The following HABP2 variants were observed in gnomAD, a reference collection of about 807,000 sequenced individuals.
HABP2 encodes hyaluronan binding protein 2.
A neutral mutation model predicts 66.5 loss-of-function variants in HABP2; 65 were observed. The observed-to-expected ratio is 0.98, with a 90% CI of 0.80 to 1.20. The LOEUF is 1.20. HABP2 is among the 50% of genes most tolerant of loss of function. The pLI, the probability that HABP2 is intolerant of heterozygous loss-of-function variation, is 0.00. For missense variants in HABP2, 786 were observed against 691.0 expected (o/e 1.14, Z -1.54); for synonymous variants, 263 against 253.9 (o/e 1.04, Z -0.34).
Position 113,587,342 on chromosome 10 carries a change from A to C in HABP2, c.1519-863A>C, listed in dbSNP as rs1027771680. Among the ~76,000 whole-genome samples the C allele has an allele frequency of 8.6e-5, 13 of 151,428 alleles. 1 individual carries two copies. Among genetic ancestry groups the C allele is most frequent in the South Asian group, 2.1e-4 (1 of 4,784 alleles). ...AAAAAAACAAAAACAAACAAACAAA[A>C]AAAAACCTCATTCAATTCCCTAGAT... On this transcript the variant is annotated intron_variant, in intron 12 of 12. Transcript: ENST00000351270.
rs1340157670 is a variant in HABP2, at chr10:113,578,696, A to T, written c.638A>T (p.His213Leu). 3.7e-6 allele frequency: 6 copies of T among 1,609,918 alleles called. No individual in the cohort carries two copies. In the South Asian group the frequency reaches 6.6e-5, roughly 18 times the overall value. ...AAAATGAATAGGACAGTCAACCAGCATGCGTGCCTTTACTGGAACTCCCAC... is the reference window on the plus strand; with the variant it reads ...AAAATGAATAGGACAGTCAACCAGCTTGCGTGCCTTTACTGGAACTCCCAC... ...RGKMNRTVNQ[H>L]ACLYWNSHLL... is the part of the protein sequence containing the mutation. Residue 213 changes from histidine to leucine, a missense_variant, in exon 7 of 13, where the codon CAT becomes CTT. Transcript: ENST00000351270.
chr10:113,582,446 G>C (rs1445395536), intron 9 of HABP2, among the ~76,000 whole-genome samples: 1 of 152,178 alleles, frequency 6.6e-6, no homozygotes, highest in Non-Finnish European at 1.5e-5. Context: ...TTTGTACATA[G>C]CAAGTGCTGA....
upstream of HABP2, among the ~76,000 whole-genome samples, chr10:113,551,353 G>A (rs973530153): frequency 2.0e-5 from 3 of 152,212 alleles, no homozygotes; most frequent in African/African-American, 7.2e-5. Context: ...CAGGGCTTCT[G>A]AGGAAGTAAT....
chr10:113,555,213 C>G (rs1339843344), intron 1 of HABP2, among the ~76,000 whole-genome samples: 2 of 152,230 alleles, frequency 1.3e-5, no homozygotes, highest in African/African-American at 2.4e-5. Flanking sequence ...GTAATTCCTA[C>G]TATGCTCCCA....
At chr10:113,576,047 C>T (rs201248580) in intron 4 of HABP2, 43 bp downstream of exon 4, 22 of 1,030,154 alleles carry the variant, frequency 2.1e-5, no homozygotes, top group Non-Finnish European at 1.5e-6. Flanking sequence ...CTGAGTTAAA[C>T]AAGAGGCAGT....
chr10:113,550,906 C>G (rs2133731010), upstream of HABP2: 1 of 152,542 alleles, frequency 6.6e-6, no homozygotes, highest in South Asian at 2.1e-4. Context: ...TCAACCAGTT[C>G]ACATCTGCCT....
intron 2 of HABP2, among the ~76,000 whole-genome samples, chr10:113,569,493 CCCGTGG>C (rs1845263324): frequency 6.6e-6 from 1 of 152,246 alleles, no homozygotes. Context: ...CGTGCTCGTG[CCCGTGG>C]GCAAGTTGCT....
upstream of HABP2, chr10:113,552,993 C>T (rs1246163541): frequency 5.8e-6 from 4 of 685,762 alleles, no homozygotes; most frequent in Non-Finnish European, 7.8e-6. Flanking sequence ...GTATTTGATG[C>T]CTAGTTAATA....
At chr10:113,584,763 T>A (rs1035135671) in intron 11 of HABP2, among the ~76,000 whole-genome samples, 1 of 152,126 alleles carries the variant, frequency 6.6e-6, no homozygotes, top group Non-Finnish European at 1.5e-5. Flanking sequence ...AAGATGGGGG[T>A]CAGGTCCCAT....
At chr10:113,567,270 A>G (rs1845215122) in intron 1 of HABP2, among the ~76,000 whole-genome samples, 3 of 152,122 alleles carry the variant, frequency 2.0e-5, no homozygotes. Context: ...GGAGAAGGAC[A>G]ATGCTTCAGT....
rs528428055 is a variant in HABP2, at chr10:113,557,016, C to T, written c.69+3826C>T. 2.0e-5 allele frequency among the ~76,000 whole-genome samples: 3 copies of T among 152,202 alleles called. No individual in the cohort carries two copies. In the South Asian group the frequency reaches 6.2e-4, roughly 32 times the overall value. ...CCTGGTTCTGCCTTACTGCACTTCT[C>T]TGGTTATTGCTCAGAAATGCTGTGG... On this transcript the variant is annotated intron_variant, in intron 1 of 12. Coordinates refer to ENST00000351270, the MANE Select transcript of HABP2 (RefSeq NM_004132.5).
Position 113,589,541 on chromosome 10 carries a change from C to T in HABP2, c.*1172C>T. On this transcript the variant is annotated 3_prime_UTR_variant, in exon 13 of 13. Transcript: ENST00000351270. ...CATGAAATTAGGCGCCTTGTTTGAG[C>T]TGCGTTTCACACTTCTTTAGAGCTA... 5 of 1,181,670 alleles carry T rather than the reference C, an allele frequency of 4.2e-6. No individual in the cohort carries two copies. Among genetic ancestry groups the T allele is most frequent in the East Asian group, 2.4e-5 (1 of 42,540 alleles). 73.2% of individuals were successfully genotyped at this position (1,181,670 alleles called of 1,614,324 possible).
At chr10:113,565,037 G>A (rs1845173851) in intron 1 of HABP2, among the ~76,000 whole-genome samples, 1 of 152,102 alleles carries the variant, frequency 6.6e-6, no homozygotes, top group South Asian at 2.1e-4. Context: ...TAGTGGAGAC[G>A]GGGTTTCACT....
At chr10:113,551,393 A>C (rs1844894871), upstream of HABP2, among the ~76,000 whole-genome samples, 1 of 152,258 alleles carries the variant, frequency 6.6e-6, no homozygotes, top group Non-Finnish European at 1.5e-5. Flanking sequence ...AGATGCATTA[A>C]CTAGGAGAGT....
chr10:113,589,518 T>G lies in HABP2; in HGVS notation c.*1149T>G. On this transcript the variant is annotated 3_prime_UTR_variant, in exon 13 of 13. Coordinates refer to ENST00000351270, the MANE Select transcript of HABP2 (RefSeq NM_004132.5). Reference sequence around the variant, plus strand: ...CATCTGCCTGGTCATCTCAGACCCATGAAATTAGGCGCCTTGTTTGAGCTG... The same window carrying G: ...CATCTGCCTGGTCATCTCAGACCCAGGAAATTAGGCGCCTTGTTTGAGCTG... 5.5e-6 allele frequency: 5 copies of G among 909,592 alleles called. No individual in the cohort carries two copies. Among genetic ancestry groups the G allele is most frequent in the Non-Finnish European group, 8.3e-6 (5 of 604,656 alleles). The allele number at this position is 909,592 out of a possible 1,614,324, so 56.3% of individuals were successfully genotyped here.
chr10:113,579,341 T>C (rs1352953004), intron 7 of HABP2, among the ~76,000 whole-genome samples: 1 of 152,134 alleles, frequency 6.6e-6, no homozygotes, highest in African/African-American at 2.4e-5. Flanking sequence ...GGGATTCAGC[T>C]CCACAGGCTT....
intron 7 of HABP2, among the ~76,000 whole-genome samples, chr10:113,580,295 G>A (rs1191340843): frequency 6.6e-6 from 1 of 152,172 alleles, no homozygotes; most frequent in Non-Finnish European, 1.5e-5. Context: ...ATATAGAAAG[G>A]TCTTCATCAG....
At chr10:113,575,842 G>A in intron 3 of HABP2, 55 bp from the exon 4 acceptor site, 1 of 952,738 alleles carries the variant, frequency 1.0e-6, no homozygotes, top group Non-Finnish European at 1.7e-6. Flanking sequence ...TTTGGAGGGG[G>A]GCGCTTCTCA....
chr10:113,572,247 C>A (rs551307774), intron 2 of HABP2, among the ~76,000 whole-genome samples: 1 of 152,312 alleles, frequency 6.6e-6, no homozygotes, highest in East Asian at 1.9e-4. Flanking sequence ...GGTAAGCAGA[C>A]CTTGTTAATA....
Sources: gnomAD v4.1 joint callset for allele counts (sites outside exome capture counted in the v4.1 genomes callset) on GRCh38, gnomAD v4.1.1 for gene constraint, MANE v1.5 for transcripts, NCBI Gene and HGNC (gene_info 2026-07-23, HGNC 2026-07-21) for gene names.